NRCAM: variants seen among roughly 807,000 people sequenced by gnomAD.
NRCAM encodes neuronal cell adhesion molecule.
In NRCAM, 83 loss-of-function variants were observed where a neutral mutation model predicts 156.5. The ratio of observed to expected loss-of-function variants is 0.53; its 90% CI spans 0.44 to 0.64. The LOEUF (loss-of-function observed/expected upper bound fraction) is 0.64. Ranked by LOEUF, NRCAM falls within the 30% of genes least tolerant of loss-of-function variation. NRCAM has a pLI of 0.00. For synonymous variants in NRCAM, 538 were observed against 563.9 expected, an observed-to-expected ratio of 0.95 and a Z score of 0.65; for missense variants, 1,417 against 1,597.3, an observed-to-expected ratio of 0.89 and a Z score of 1.92.
chr7:108,261,368 G>A (rs1295478197), intron 3 of NRCAM, among the ~76,000 whole-genome samples: 1 of 152,216 alleles, frequency 6.6e-6, no homozygotes, highest in Admixed American at 6.5e-5. Flanking sequence ...CTGTTGTCCA[G>A]TAAGTAGATA....
chr7:108,341,333 T>C (rs576594336), intron 2 of NRCAM, among the ~76,000 whole-genome samples: 1 of 152,352 alleles, frequency 6.6e-6, no homozygotes, highest in East Asian at 1.9e-4. Flanking sequence ...TCCTGGACAC[T>C]GGCTCGGCCT....
chr7:108,249,583 C>T (rs2096208620), intron 3 of NRCAM, among the ~76,000 whole-genome samples: 1 of 152,150 alleles, frequency 6.6e-6, no homozygotes, highest in Non-Finnish European at 1.5e-5. Context: ...AAAGAGCATC[C>T]CTCTCCCAAG....
chr7:108,342,832 G>A (rs545952456), intron 2 of NRCAM, among the ~76,000 whole-genome samples: 1 of 152,308 alleles, frequency 6.6e-6, no homozygotes, highest in Non-Finnish European at 1.5e-5. Context: ...GACATCTCAT[G>A]ATGTGAATGG....
chr7:108,368,002 A>G (rs2099602355), intron 2 of NRCAM, among the ~76,000 whole-genome samples: 1 of 152,152 alleles, frequency 6.6e-6, no homozygotes, highest in Non-Finnish European at 1.5e-5. Flanking sequence ...ATTCCTCAAT[A>G]TCACCATTAT....
chr7:108,372,147 C>T (rs55660243), intron 2 of NRCAM, among the ~76,000 whole-genome samples: 20,581 of 151,924 alleles, frequency 0.14, 2,219 homozygotes, highest in African/African-American at 0.3. Context: ...ATGGTGCTGC[C>T]AAATCTAGAT....
At chr7:108,158,479 T>C (rs997691176) in intron 32 of NRCAM, among the ~76,000 whole-genome samples, 33 of 152,172 alleles carry the variant, frequency 2.2e-4, no homozygotes, top group Non-Finnish European at 2.9e-5. Context: ...GATAGTGACA[T>C]GGAAAAACCA....
intron 2 of NRCAM, among the ~76,000 whole-genome samples, chr7:108,365,870 T>C (rs1011116431): frequency 2.0e-5 from 3 of 152,240 alleles, no homozygotes; most frequent in Admixed American, 1.3e-4. Flanking sequence ...GATATTTAAG[T>C]AACATGTAAA....
intron 2 of NRCAM, among the ~76,000 whole-genome samples, chr7:108,330,920 A>G (rs1187631720): frequency 6.6e-6 from 1 of 152,148 alleles, no homozygotes; most frequent in African/African-American, 2.4e-5. Flanking sequence ...AATCTCTCAG[A>G]TTGTCCAGAC....
At chr7:108,409,058 G>A (rs1483329115) in intron 1 of NRCAM, among the ~76,000 whole-genome samples, 4 of 152,190 alleles carry the variant, frequency 2.6e-5, no homozygotes, top group Non-Finnish European at 5.9e-5. Context: ...CACCTGCCTA[G>A]AAAGAGAAGG....
In NRCAM at chr7:108,417,186, A is replaced by T. The variant is rs1385407408; in HGVS notation, c.-331-17593T>A. On this transcript the variant is annotated intron_variant, in intron 1 of 32. Transcript: ENST00000379028. ...ATCCTTTAAGCTAATAGCCAACAGT[A>T]GCCTATTTTAATTGCTATGGAGATG... is the stretch of plus-strand genomic sequence containing the variant. 5.3e-5 allele frequency among the ~76,000 whole-genome samples: 8 copies of T among 152,226 alleles called. No individual in the cohort carries two copies. The South Asian group carries it at 8.3e-4, about 16-fold the overall frequency.
intron 3 of NRCAM, among the ~76,000 whole-genome samples, chr7:108,272,665 A>T (rs1286063849): frequency 6.6e-6 from 1 of 151,508 alleles, no homozygotes; most frequent in East Asian, 2.0e-4. Flanking sequence ...AAAAGGTAAC[A>T]TATATATATC....
At chr7:108,181,997 A>T (rs2063747847) in intron 23 of NRCAM, 60 bp from the exon 24 acceptor site, 3 of 1,272,924 alleles carry the variant, frequency 2.4e-6, no homozygotes, top group Non-Finnish European at 3.4e-6. Context: ...TCATCCATAA[A>T]TATGACTCTC....
In NRCAM at chr7:108,223,747, G is replaced by C. The variant is rs757288234; in HGVS notation, c.868C>G (p.Leu290Val). The C allele has an allele frequency of 6.3e-7, 1 of 1,592,030 alleles. No individual in the cohort carries two copies. ...KEELRGNVLS[L>V]ECIAEGLPTP... ...CACAGTCCTTCTGCAATGCACTCCA[G>C]TGAAAGCACATTTCCTCTTAATTCC... Residue 290 changes from leucine to valine, a missense_variant, in exon 11 of 33, where the codon CTG becomes GTG. Physicochemically the swap from Leu to Val is conservative, Grantham distance 32 (BLOSUM62 1). This residue lies in a region of NRCAM where 1,238 missense variants were observed against 1,336.4 expected (regional missense o/e 0.93). Transcript: ENST00000379028.
intron 3 of NRCAM, among the ~76,000 whole-genome samples, chr7:108,268,636 T>TGGGGGGGGGGAGGG (rs1300340254): frequency 1.2e-4 from 1 of 8,492 alleles, no homozygotes; most frequent in Non-Finnish European, 2.2e-4. Context: ...GGGGGGGGGT[T>TGGGGGGGGGGAGGG]GGGGGGGGCG....
chr7:108,350,875 T>C (rs2154293131), intron 2 of NRCAM, among the ~76,000 whole-genome samples: 1 of 152,314 alleles, frequency 6.6e-6, no homozygotes, highest in East Asian at 1.9e-4. Context: ...TTACATAAAT[T>C]TGGGTACTTG....
intron 3 of NRCAM, among the ~76,000 whole-genome samples, chr7:108,276,556 T>C (rs1257512589): frequency 3.3e-5 from 5 of 151,312 alleles, no homozygotes; most frequent in African/African-American, 1.2e-4. Context: ...AGATTGTAAC[T>C]CCTGCTTTTT....
chr7:108,384,967 C>T (rs888430668), intron 2 of NRCAM, among the ~76,000 whole-genome samples: 1 of 152,064 alleles, frequency 6.6e-6, no homozygotes, highest in Non-Finnish European at 1.5e-5. Flanking sequence ...GTGTGAAGAA[C>T]AAAGAATAGC....
At chr7:108,418,631 T>C (rs926524935) in intron 1 of NRCAM, among the ~76,000 whole-genome samples, 2 of 151,850 alleles carry the variant, frequency 1.3e-5, no homozygotes, top group African/African-American at 4.8e-5. Flanking sequence ...TAAGTATATA[T>C]ATATTCACCC....
intron 22 of NRCAM, among the ~76,000 whole-genome samples, chr7:108,183,627 C>T (rs1321929553): frequency 1.3e-5 from 2 of 151,552 alleles, no homozygotes; most frequent in Non-Finnish European, 2.9e-5. Flanking sequence ...ACCTCCGCCT[C>T]CTGGGTTCAA....
Sources: allele counts gnomAD v4.1 joint callset (sites outside exome capture counted in the v4.1 genomes callset), GRCh38; gene constraint gnomAD v4.1.1; regional missense constraint gnomAD v4.1.1; transcripts MANE v1.5; gene names NCBI Gene and HGNC (gene_info 2026-07-23, HGNC 2026-07-21).